Variants in SLC35F3 observed in about 807,000 individuals in gnomAD.
SLC35F3 encodes solute carrier family 35 member F3, also known as putative thiamine transporter SLC35F3.
A neutral mutation model predicts 49.9 loss-of-function variants in SLC35F3; 25 were observed. The ratio of observed to expected loss-of-function variants is 0.50; its 90% CI spans 0.37 to 0.70. SLC35F3 has a LOEUF of 0.70. Ranked by LOEUF, SLC35F3 falls within the 30% of genes least tolerant of loss-of-function variation. The pLI is 0.00. For missense variants in SLC35F3, 525 were observed against 639.8 expected (o/e 0.82, Z 1.94); for synonymous variants, 275 against 265.4 (o/e 1.04, Z -0.35).
rs1667097816 is a variant in SLC35F3, at chr1:234,214,841, C to G, written c.284-16576C>G. 4.9e-6 allele frequency: 2 copies of G among 409,944 alleles called. No homozygotes were observed. The highest frequency in any genetic ancestry group is 8.6e-6 in the Non-Finnish European group (2 of 231,846). 25.4% of individuals were successfully genotyped at this position (409,944 alleles called of 1,614,324 possible). A position where few individuals can be genotyped will look rare whatever the true frequency, so the allele number is the denominator to read the frequency against. On this transcript the variant is annotated intron_variant, in intron 2 of 7. Coordinates refer to ENST00000366618, the MANE Select transcript of SLC35F3 (RefSeq NM_173508.4). This position sits in a 1 kb window ranked among gnomAD's most constrained non-coding sequence, Gnocchi z 8.0. The stretch of plus-strand genomic sequence containing the variant: ...CCTCTCCTTCCTGGGCAGCACCCAG[C>G]GCATCTGGCAGCAGCTGCACCCTCA...
chr1:233,976,555 A>C (rs530446873), intron 2 of SLC35F3, among the ~76,000 whole-genome samples: 1 of 152,334 alleles, frequency 6.6e-6, no homozygotes, highest in East Asian at 1.9e-4. Flanking sequence ...GTCATTTAAA[A>C]GTATCTGTAA....
chr1:234,166,218 A>G (rs1666316592), intron 2 of SLC35F3, among the ~76,000 whole-genome samples: 1 of 152,074 alleles, frequency 6.6e-6, no homozygotes, highest in Admixed American at 6.5e-5. Flanking sequence ...GAGTTCCCAT[A>G]TACCTCCTGT....
At chr1:233,995,712 G>A (rs902563648) in intron 2 of SLC35F3, among the ~76,000 whole-genome samples, 1 of 152,142 alleles carries the variant, frequency 6.6e-6, no homozygotes, top group Admixed American at 6.5e-5. Flanking sequence ...TAAACAGCAC[G>A]TGTCTCATGG....
intron 2 of SLC35F3, among the ~76,000 whole-genome samples, chr1:233,953,218 G>C (rs1052622339): frequency 6.6e-6 from 1 of 151,916 alleles, no homozygotes; most frequent in African/African-American, 2.4e-5. Context: ...GGACTGCAAA[G>C]AAAAGATACA....
At chr1:234,205,011 A>G (rs1666949875) in intron 2 of SLC35F3, among the ~76,000 whole-genome samples, 1 of 152,244 alleles carries the variant, frequency 6.6e-6, no homozygotes, top group Non-Finnish European at 1.5e-5. Context: ...TATGAATACA[A>G]CTGACTCTAA....
chr1:233,962,833 C>G (rs1217265343), intron 2 of SLC35F3, among the ~76,000 whole-genome samples: 1 of 152,198 alleles, frequency 6.6e-6, no homozygotes, highest in African/African-American at 2.4e-5. Context: ...AGCCTTGTGA[C>G]TAGGATGGGA....
At chr1:234,242,699 G>A (rs887114256) in intron 3 of SLC35F3, among the ~76,000 whole-genome samples, 11 of 152,174 alleles carry the variant, frequency 7.2e-5, no homozygotes, top group African/African-American at 2.2e-4. Flanking sequence ...GATGATTTAT[G>A]TACTTAATGT....
chr1:234,245,270 C>G (rs1372633454), intron 3 of SLC35F3, among the ~76,000 whole-genome samples: 1 of 152,230 alleles, frequency 6.6e-6, no homozygotes, highest in Non-Finnish European at 1.5e-5. Flanking sequence ...ACCTCCAGTT[C>G]CATCCATGTT....
intron 3 of SLC35F3, among the ~76,000 whole-genome samples, chr1:234,301,011 T>C (rs1333399169): frequency 6.6e-6 from 1 of 152,226 alleles, no homozygotes; most frequent in Non-Finnish European, 1.5e-5. Flanking sequence ...GTATCTGGCC[T>C]GGGTAGAAAC....
intron 2 of SLC35F3, among the ~76,000 whole-genome samples, chr1:233,960,356 T>C (rs1408144551): frequency 3.3e-5 from 5 of 152,124 alleles, no homozygotes; most frequent in Non-Finnish European, 5.9e-5. Flanking sequence ...ACATTAAACA[T>C]GTCTTTTTCT....
At chr1:233,913,518 T>C (rs1220320156) in intron 2 of SLC35F3, among the ~76,000 whole-genome samples, 1 of 152,226 alleles carries the variant, frequency 6.6e-6, no homozygotes, top group Non-Finnish European at 1.5e-5. Context: ...GGGCTTGTTA[T>C]TGTGTCTCCA....
intron 2 of SLC35F3, among the ~76,000 whole-genome samples, chr1:234,068,511 C>T (rs1664654140): frequency 6.6e-6 from 1 of 152,018 alleles, no homozygotes; most frequent in African/African-American, 2.4e-5. Context: ...GCGCGTGCCA[C>T]CATGCCTTAG....
intron 3 of SLC35F3, among the ~76,000 whole-genome samples, chr1:234,275,677 C>G (rs906614783): frequency 1.3e-5 from 2 of 150,972 alleles, no homozygotes; most frequent in African/African-American, 4.9e-5. Flanking sequence ...GTCCTGACCT[C>G]AGATAGTCAG....
At chr1:233,959,279 C>A (rs780421671) in intron 2 of SLC35F3, among the ~76,000 whole-genome samples, 2 of 151,856 alleles carry the variant, frequency 1.3e-5, no homozygotes, top group African/African-American at 2.4e-5. Flanking sequence ...TTAGTCTTAT[C>A]TGCAGTTCCA....
chr1:234,089,090 A>G (rs1158731297), intron 2 of SLC35F3, among the ~76,000 whole-genome samples: 1 of 152,182 alleles, frequency 6.6e-6, no homozygotes, highest in Non-Finnish European at 1.5e-5. Flanking sequence ...TTTATGCACA[A>G]AGAAAACTGG....
At chr1:234,162,642 A>T (rs1036886523) in intron 2 of SLC35F3, among the ~76,000 whole-genome samples, 2 of 152,042 alleles carry the variant, frequency 1.3e-5, no homozygotes, top group Non-Finnish European at 2.9e-5. Flanking sequence ...GCTTAGAGTG[A>T]GCAGATTTCT....
At chr1:234,244,722 A>G (rs1667605581) in intron 3 of SLC35F3, among the ~76,000 whole-genome samples, 1 of 151,998 alleles carries the variant, frequency 6.6e-6, no homozygotes, top group African/African-American at 2.4e-5. Flanking sequence ...ACCCATCTTC[A>G]GGAAGTTTCA....
chr1:234,201,703 C>T (rs1368687504), intron 2 of SLC35F3, among the ~76,000 whole-genome samples: 3 of 152,082 alleles, frequency 2.0e-5, no homozygotes, highest in Admixed American at 2.0e-4. Flanking sequence ...ACGGTCCCCA[C>T]CCCCAGGAGT....
chr1:234,079,956 T>C (rs1664849742), intron 2 of SLC35F3, among the ~76,000 whole-genome samples: 1 of 152,124 alleles, frequency 6.6e-6, no homozygotes, highest in African/African-American at 2.4e-5. Context: ...AGTGATGGGG[T>C]GAGACAGCAT....
Sources: gnomAD v4.1 joint callset for allele counts (sites outside exome capture counted in the v4.1 genomes callset) on GRCh38, gnomAD v4.1.1 for gene constraint, Gnocchi (gnomAD v3.1) non-coding constraint, MANE v1.5 for transcripts, NCBI Gene and HGNC (gene_info 2026-07-23, HGNC 2026-07-21) for gene names.